Variants in MYO3B observed in about 807,000 individuals in gnomAD.
MYO3B encodes myosin-IIIb.
In MYO3B, 156 loss-of-function variants were observed where a neutral mutation model predicts 174.6. That is an observed-to-expected ratio of 0.89 (90% CI 0.78 to 1.02). The LOEUF is 1.02. Ranked by LOEUF, MYO3B falls within the 50% of genes least tolerant of loss-of-function variation. The pLI is 0.00. For missense variants in MYO3B, 1,632 were observed against 1,639.4 expected (o/e 1.00, Z 0.08); for synonymous variants, 563 against 569.1 (o/e 0.99, Z 0.15).
intron 8 of MYO3B, among the ~76,000 whole-genome samples, chr2:170,360,808 A>T (rs993553330): frequency 1.6e-4 from 24 of 152,198 alleles, no homozygotes; most frequent in African/African-American, 5.8e-4. Flanking sequence ...CTGTGTGAAG[A>T]CACAGCATTC....
At position 170,369,353 on chromosome 2, in the gene MYO3B, A is replaced by T. The variant is rs55633190; in HGVS notation, c.947A>T (p.His316Leu). ...QLAKVLQDQK[H>L]QNPVAKTRHE... ...GCCAAGGTTCTCCAAGACCAGAAGC[A>T]TCAAAATCCTGTTGCTAAAACCAGG... Residue 316 changes from histidine to leucine, a missense_variant, in exon 9 of 35, where the codon CAT becomes CTT. Transcript: ENST00000408978. The T allele has an allele frequency of 3.5e-4, 567 of 1,613,372 alleles. 4 individuals are homozygous for T. In the East Asian group the frequency reaches 0.012, roughly 34 times the overall value.
At chr2:170,461,647 G>A (rs1432934409) in intron 23 of MYO3B, among the ~76,000 whole-genome samples, 3 of 151,224 alleles carry the variant, frequency 2.0e-5, no homozygotes, top group South Asian at 2.1e-4. Flanking sequence ...GTGGTGGCAG[G>A]CGCCTGTAAT....
intron 7 of MYO3B, among the ~76,000 whole-genome samples, chr2:170,277,258 C>CA (rs1318223933): frequency 2.0e-5 from 3 of 152,180 alleles, no homozygotes; most frequent in Non-Finnish European, 4.4e-5. Context: ...TATTGTTAAT[C>CA]ACATAATTAC....
intron 32 of MYO3B, among the ~76,000 whole-genome samples, chr2:170,636,464 G>A (rs1163281640): frequency 6.6e-6 from 1 of 151,014 alleles, no homozygotes; most frequent in Non-Finnish European, 1.5e-5. Flanking sequence ...CTGGAGCCAA[G>A]CCTGTCAGAG....
intron 3 of MYO3B, among the ~76,000 whole-genome samples, chr2:170,208,794 A>T (rs185620302): frequency 1.3e-5 from 2 of 152,206 alleles, no homozygotes; most frequent in African/African-American, 4.8e-5. Flanking sequence ...ACTTGACCTG[A>T]TTATTTGCAT....
intron 8 of MYO3B, among the ~76,000 whole-genome samples, chr2:170,364,222 C>G (rs946595858): frequency 6.6e-6 from 1 of 152,082 alleles, no homozygotes; most frequent in Non-Finnish European, 1.5e-5. Flanking sequence ...GGGGCCCAAA[C>G]AAACAAACAA....
intron 7 of MYO3B, among the ~76,000 whole-genome samples, chr2:170,298,116 T>C (rs2093640003): frequency 6.6e-6 from 1 of 152,216 alleles, no homozygotes; most frequent in South Asian, 2.1e-4. Context: ...AATTTTCTTC[T>C]AGAGAATTAG....
At position 170,653,321 on chromosome 2, in the gene MYO3B, G is replaced by C; in HGVS notation, c.*200G>C. 1.6e-6 allele frequency: 1 copy of C among 612,616 alleles called. No homozygotes were observed. The highest frequency in any genetic ancestry group is 2.8e-6 in the Non-Finnish European group (1 of 358,566). 37.9% of individuals were successfully genotyped at this position (612,616 alleles called of 1,614,324 possible). A position where few individuals can be genotyped will look rare whatever the true frequency, so the allele number is the denominator to read the frequency against. On this transcript the variant is annotated 3_prime_UTR_variant, in exon 35 of 35. Coordinates refer to ENST00000408978, the MANE Select transcript of MYO3B (RefSeq NM_138995.5). ...CTCTCCCACATGTGTTGTGCAGCCTGAGCTGGGCGCTGCCTTCCTTTCTCA... is the reference window on the plus strand; with the variant it reads ...CTCTCCCACATGTGTTGTGCAGCCTCAGCTGGGCGCTGCCTTCCTTTCTCA...
intron 7 of MYO3B, among the ~76,000 whole-genome samples, chr2:170,240,173 C>T (rs990151064): frequency 1.3e-5 from 2 of 152,148 alleles, no homozygotes; most frequent in African/African-American, 2.4e-5. Flanking sequence ...CAAATGAGGT[C>T]GCATTCTCAG....
At chr2:170,376,576 CT>C (rs1210119292) in intron 9 of MYO3B, among the ~76,000 whole-genome samples, 9 of 151,774 alleles carry the variant, frequency 5.9e-5, no homozygotes, top group African/African-American at 2.2e-4. Context: ...ATCTTTGAGC[CT>C]GCACCTTTTT....
intron 30 of MYO3B, among the ~76,000 whole-genome samples, chr2:170,532,279 T>G (rs1226041874): frequency 6.6e-6 from 1 of 152,122 alleles, no homozygotes; most frequent in Non-Finnish European, 1.5e-5. Flanking sequence ...GACAGAAGAC[T>G]GAGAAACTAT....
intron 18 of MYO3B, among the ~76,000 whole-genome samples, chr2:170,401,983 T>A (rs1453856411): frequency 6.6e-6 from 1 of 152,058 alleles, no homozygotes; most frequent in Non-Finnish European, 1.5e-5. Context: ...AGGCATTCTC[T>A]TTTAGAAGAC....
chr2:170,405,639 G>A lies in MYO3B; in HGVS notation c.2520+6G>A. ...TTCAGCATTATGCTGGAAAGGTGAG[G>A]CCAGTGTGACAGTTATTAGACCTGA... On this transcript the variant is annotated splice_donor_region_variant and intron_variant, in intron 21 of 34. Transcript: ENST00000408978. The A allele has an allele frequency of 1.9e-6, 3 of 1,613,916 alleles. No homozygotes were observed. Among genetic ancestry groups the A allele is most frequent in the Non-Finnish European group, 1.7e-6 (2 of 1,179,820 alleles).
At chr2:170,242,451 G>T (rs945138566) in intron 7 of MYO3B, among the ~76,000 whole-genome samples, 1 of 152,148 alleles carries the variant, frequency 6.6e-6, no homozygotes, top group Admixed American at 6.5e-5. Flanking sequence ...GAGGCATCTG[G>T]CAGAAATGCC....
chr2:170,495,923 A>G (rs956372567), intron 25 of MYO3B, among the ~76,000 whole-genome samples: 3 of 152,246 alleles, frequency 2.0e-5, no homozygotes, highest in African/African-American at 7.2e-5. Context: ...CAGAGAAATC[A>G]TAACCAAAAC....
intron 33 of MYO3B, 33 bp from the exon 34 acceptor site, chr2:170,652,075 G>A: frequency 1.2e-6 from 2 of 1,601,076 alleles, no homozygotes; most frequent in African/African-American, 1.3e-5. Flanking sequence ...TTGCTGCTTT[G>A]CTTTGACTGT....
At chr2:170,480,764 G>A (rs1685639088) in intron 25 of MYO3B, among the ~76,000 whole-genome samples, 1 of 152,186 alleles carries the variant, frequency 6.6e-6, no homozygotes, top group Non-Finnish European at 1.5e-5. Context: ...CTGCTTGCTT[G>A]TGGTGGGGAA....
chr2:170,570,356 G>T (rs1028593036), intron 32 of MYO3B, among the ~76,000 whole-genome samples: 5 of 152,120 alleles, frequency 3.3e-5, no homozygotes, highest in African/African-American at 1.2e-4. Flanking sequence ...TTATTTAGCT[G>T]CTTCTTTTAC....
intron 6 of MYO3B, among the ~76,000 whole-genome samples, chr2:170,231,374 G>A (rs1341595428): frequency 6.6e-6 from 1 of 152,244 alleles, no homozygotes; most frequent in Non-Finnish European, 1.5e-5. Flanking sequence ...TCTCCAGAAA[G>A]AAAAGTTTTT....
Sources: gnomAD v4.1 joint callset for allele counts (sites outside exome capture counted in the v4.1 genomes callset) on GRCh38, gnomAD v4.1.1 for gene constraint, MANE v1.5 for transcripts, NCBI Gene and HGNC (gene_info 2026-07-23, HGNC 2026-07-21) for gene names.